Variants in AGBL1 observed in about 807,000 individuals in gnomAD.
AGBL1 encodes the protein cytosolic carboxypeptidase 4.
In AGBL1, 130 loss-of-function variants were observed where a neutral mutation model predicts 118.9. That is an observed-to-expected ratio of 1.09 (90% confidence interval 0.95 to 1.26). The LOEUF (loss-of-function observed/expected upper bound fraction) is 1.26. Ranked by LOEUF, AGBL1 falls within the 50% of genes most tolerant of loss-of-function variation. The pLI, the probability that AGBL1 is intolerant of heterozygous loss-of-function variation, is 0.00. For missense variants in AGBL1, 1,584 were observed against 1,298.1 expected, an observed-to-expected ratio of 1.22 and a Z score of -3.38; for synonymous variants, 555 against 478.9, an observed-to-expected ratio of 1.16 and a Z score of -2.08.
chr15:87,028,542 TA>T (rs906433410), intron 24 of AGBL1, among the ~76,000 whole-genome samples: 12 of 151,610 alleles, frequency 7.9e-5, no homozygotes, highest in South Asian at 2.1e-4. Context: ...ATCCATTCAT[TA>T]AAAAAAATGT....
At chr15:86,472,491 A>G (rs2082491748) in intron 18 of AGBL1, among the ~76,000 whole-genome samples, 1 of 152,204 alleles carries the variant, frequency 6.6e-6, no homozygotes, top group Non-Finnish European at 1.5e-5. Flanking sequence ...TGCACTTCCT[A>G]ACATTATACA....
intron 22 of AGBL1, among the ~76,000 whole-genome samples, chr15:86,863,385 C>T (rs1208954498): frequency 2.6e-5 from 4 of 152,224 alleles, no homozygotes; most frequent in South Asian, 4.1e-4. Flanking sequence ...GCATTCACAC[C>T]GTGTGAGCAG....
At chr15:86,187,623 A>C (rs2077653824) in intron 5 of AGBL1, among the ~76,000 whole-genome samples, 1 of 152,194 alleles carries the variant, frequency 6.6e-6, no homozygotes, top group Admixed American at 6.5e-5. Flanking sequence ...GGTATGATGC[A>C]TATCAGGGCC....
At chr15:86,708,649 A>T (rs74025437) in intron 22 of AGBL1, among the ~76,000 whole-genome samples, 1 of 152,194 alleles carries the variant, frequency 6.6e-6, no homozygotes, top group African/African-American at 2.4e-5. Context: ...ATGAGGTTTT[A>T]TTATAGATGA....
At position 86,215,215 on chromosome 15, in the gene AGBL1, A is replaced by ATGTGTGTGTGTG. The variant is rs1457494719; in HGVS notation, c.489-9698_489-9697insGTGTGTGTGTGT. ...TGGCTCTGTGTGTGTGTGTGAGTGT[A>ATGTGTGTGTGTG]TATGTATGCGTGTGTGTGTGTGTGT... is the stretch of plus-strand genomic sequence containing the variant. On this transcript the variant is annotated intron_variant, in intron 5 of 22. Coordinates refer to ENST00000614907, the MANE Select transcript of AGBL1 (RefSeq NM_001386094.1). Among the ~76,000 whole-genome samples, 7 of 123,012 alleles carry ATGTGTGTGTGTG rather than the reference A, an allele frequency of 5.7e-5. No individual in the cohort carries two copies. In the South Asian group the frequency reaches 1.4e-3, roughly 25 times the overall value. The allele number at this position is 123,012 out of a possible 152,430, so 80.7% of individuals were successfully genotyped here. A position where few individuals can be genotyped will look rare whatever the true frequency, so the allele number is the denominator to read the frequency against.
intron 21 of AGBL1, among the ~76,000 whole-genome samples, chr15:86,603,801 T>C (rs2142375530): frequency 6.6e-6 from 1 of 152,316 alleles, no homozygotes; most frequent in African/African-American, 2.4e-5. Context: ...GAGGGCCCTG[T>C]GGACATTTGC....
At chr15:86,759,141 C>G (rs1279597401) in intron 22 of AGBL1, among the ~76,000 whole-genome samples, 3 of 151,938 alleles carry the variant, frequency 2.0e-5, no homozygotes, top group Non-Finnish European at 4.4e-5. Context: ...GTATTTAATA[C>G]AAAATCTTGC....
intron 18 of AGBL1, among the ~76,000 whole-genome samples, chr15:86,449,773 A>C (rs979262519): frequency 6.6e-6 from 1 of 152,180 alleles, no homozygotes; most frequent in Non-Finnish European, 1.5e-5. Context: ...AGTGAGGCAG[A>C]TTCTGGGTTG....
At chr15:86,904,273 G>C (rs2080251240) in intron 22 of AGBL1, among the ~76,000 whole-genome samples, 1 of 152,080 alleles carries the variant, frequency 6.6e-6, no homozygotes, top group Non-Finnish European at 1.5e-5. Flanking sequence ...CCACCTGCTA[G>C]TCCTGAGGCC....
At chr15:86,470,593 A>T (rs1013805971) in intron 18 of AGBL1, among the ~76,000 whole-genome samples, 1 of 152,134 alleles carries the variant, frequency 6.6e-6, no homozygotes, top group South Asian at 2.1e-4. Flanking sequence ...TGTAATTTTG[A>T]GAGGGATGGC....
At chr15:86,604,970 T>A (rs1214450175) in intron 21 of AGBL1, among the ~76,000 whole-genome samples, 1 of 151,928 alleles carries the variant, frequency 6.6e-6, no homozygotes, top group East Asian at 1.9e-4. Flanking sequence ...TAATTTTGTA[T>A]TTTTAGTAGA....
chr15:86,715,865 T>C (rs1184431906), intron 22 of AGBL1, among the ~76,000 whole-genome samples: 1 of 151,982 alleles, frequency 6.6e-6, no homozygotes, highest in Non-Finnish European at 1.5e-5. Context: ...GAGACCATCC[T>C]GGCTAACATG....
At chr15:86,209,323 C>G (rs1434500583) in intron 5 of AGBL1, among the ~76,000 whole-genome samples, 1 of 152,142 alleles carries the variant, frequency 6.6e-6, no homozygotes, top group Non-Finnish European at 1.5e-5. Context: ...CTGTAGATGT[C>G]TATTAGGTCT....
At position 86,827,044 on chromosome 15, in the gene AGBL1, A is replaced by G. The variant is rs569280201; in HGVS notation, c.3159-80043A>G. ...CCATAAGGAAGAGCCCTACAATGTC[A>G]TTGCAAGTACATGTGGTAAAGATCC... On this transcript the variant is annotated intron_variant, in intron 22 of 22. Transcript: ENST00000614907. Among the ~76,000 whole-genome samples, 204 of 151,580 alleles carry G rather than the reference A, an allele frequency of 1.3e-3. 1 individual carries two copies. Among genetic ancestry groups the G allele is most frequent in the African/African-American group, 4.7e-3 (194 of 41,344 alleles).
Position 86,251,055 on chromosome 15 carries a change from C to T in AGBL1, c.735+3176C>T, listed in dbSNP as rs185433108. The stretch of plus-strand genomic sequence containing the variant: ...AGAAGGAGAAGACAGTTACTTTGAA[C>T]TCTTACTATTAATACATCCCTTGGC... On this transcript the variant is annotated intron_variant, in intron 7 of 22. Transcript: ENST00000614907. 2.0e-3 allele frequency among the ~76,000 whole-genome samples: 307 copies of T among 152,290 alleles called. 1 individual carries two copies. The highest frequency in any genetic ancestry group is 7.1e-3 in the African/African-American group (295 of 41,554).
At chr15:86,939,978 C>A (rs1012856427) in intron 23 of AGBL1, among the ~76,000 whole-genome samples, 2 of 150,338 alleles carry the variant, frequency 1.3e-5, no homozygotes, top group African/African-American at 4.9e-5. Flanking sequence ...ACCTCCCAGG[C>A]TCAAGCAATC....
At chr15:86,966,178 G>C (rs1428551254) in intron 23 of AGBL1, among the ~76,000 whole-genome samples, 1 of 151,678 alleles carries the variant, frequency 6.6e-6, no homozygotes, top group Non-Finnish European at 1.5e-5. Flanking sequence ...CAGGGACTCT[G>C]TAGTATTTTT....
chr15:86,561,069 T>C (rs2142285711), intron 21 of AGBL1, among the ~76,000 whole-genome samples: 2 of 152,380 alleles, frequency 1.3e-5, no homozygotes, highest in African/African-American at 4.8e-5. Flanking sequence ...GCAAACATTT[T>C]TTCCCATTCT....
At chr15:86,886,836 A>G (rs900313366) in intron 22 of AGBL1, among the ~76,000 whole-genome samples, 1 of 152,148 alleles carries the variant, frequency 6.6e-6, no homozygotes, top group Non-Finnish European at 1.5e-5. Flanking sequence ...AGTTAATTCT[A>G]ATGAAGGGAT....
Sources: gnomAD v4.1 joint callset for allele counts (sites outside exome capture counted in the v4.1 genomes callset) on GRCh38, gnomAD v4.1.1 for gene constraint, MANE v1.5 for transcripts, NCBI Gene and HGNC (gene_info 2026-07-23, HGNC 2026-07-21) for gene names.